The following SANBR variants were observed in gnomAD, a reference collection of about 807,000 sequenced individuals.
SANBR encodes SANT and BTB domain regulator of class switch recombination.
Under a neutral mutation model 101.8 loss-of-function variants are expected in SANBR, and 77 were observed. The ratio of observed to expected loss-of-function variants is 0.76; its 90% CI spans 0.63 to 0.91. SANBR has a LOEUF of 0.91. SANBR is among the 40% of genes least tolerant of loss of function. The pLI, the probability that SANBR is intolerant of heterozygous loss-of-function variation, is 0.00. For synonymous variants in SANBR, 279 were observed against 274.7 expected (o/e 1.02, Z -0.15); for missense variants, 875 against 853.0 (o/e 1.03, Z -0.32).
chr2:61,120,226 G>GGC (rs1255393154), intron 20 of SANBR, among the ~76,000 whole-genome samples: 2 of 152,140 alleles, frequency 1.3e-5, no homozygotes, highest in East Asian at 1.9e-4. Context: ...CATTGGACCG[G>GGC]GTGCAGTGGC....
intron 9 of SANBR, 42 bp downstream of exon 9, chr2:61,088,287 A>G: frequency 6.4e-7 from 1 of 1,568,690 alleles, no homozygotes; most frequent in Non-Finnish European, 8.6e-7. Flanking sequence ...TTTATAATGC[A>G]GCTATATTCT....
At chr2:61,120,231 A>T (rs552468837) in intron 20 of SANBR, among the ~76,000 whole-genome samples, 1 of 152,114 alleles carries the variant, frequency 6.6e-6, no homozygotes, top group East Asian at 1.9e-4. Flanking sequence ...GACCGGGTGC[A>T]GTGGCTCACA....
At chr2:61,096,152 A>G (rs1683019934) in intron 11 of SANBR, among the ~76,000 whole-genome samples, 1 of 151,744 alleles carries the variant, frequency 6.6e-6, no homozygotes, top group Non-Finnish European at 1.5e-5. Context: ...CCCAACACCC[A>G]CTTCCTTCCT....
intron 21 of SANBR, among the ~76,000 whole-genome samples, chr2:61,137,185 G>C (rs574497580): frequency 3.3e-5 from 5 of 151,952 alleles, no homozygotes; most frequent in Non-Finnish European, 5.9e-5. Context: ...GGCTGAGGTG[G>C]GAGGCTCACT....
chr2:61,124,661 G>A (rs1371145441), downstream of SANBR, among the ~76,000 whole-genome samples: 1 of 150,764 alleles, frequency 6.6e-6, no homozygotes, highest in African/African-American at 2.4e-5. Context: ...AGCCATGATT[G>A]TGCCACTGCA....
chr2:61,078,937 G>C (rs1233528831), intron 6 of SANBR, among the ~76,000 whole-genome samples: 1 of 151,862 alleles, frequency 6.6e-6, no homozygotes, highest in African/African-American at 2.4e-5. Flanking sequence ...TACTTGGGAG[G>C]GTGAGGCATG....
chr2:61,087,351 G>A (rs1559095566), intron 8 of SANBR, among the ~76,000 whole-genome samples: 1 of 151,986 alleles, frequency 6.6e-6, no homozygotes, highest in Non-Finnish European at 1.5e-5. Flanking sequence ...AAGGCCAGGA[G>A]TCTGAGGCCA....
At chr2:61,130,995 T>C (rs1219137755) in intron 20 of SANBR, among the ~76,000 whole-genome samples, 1 of 85,752 alleles carries the variant, frequency 1.2e-5, no homozygotes, top group Non-Finnish European at 2.3e-5. Context: ...TAAAAAGCAA[T>C]CGACAAGCCC....
chr2:61,089,032 A>G, intron 10 of SANBR: 1 of 954,796 alleles, frequency 1.0e-6, no homozygotes, highest in Non-Finnish European at 1.2e-6. Context: ...TAATCTTGAA[A>G]GGTATTCTGG....
At position 61,118,054 on chromosome 2, in the gene SANBR, G is replaced by A. The variant is rs1684160338; in HGVS notation, c.1966G>A (p.Gly656Arg). Residue 656 changes from glycine (G) to arginine (R), a missense_variant, in exon 20 of 22, where the codon GGG becomes AGG. Coordinates refer to ENST00000402291, the MANE Select transcript of SANBR (RefSeq NM_001129993.3). ...TCAACGGCGAATGACTGAAATTACAGGGCACCTAATAAAAATGAGATTGGG... is the reference window on the plus strand; with the variant it reads ...TCAACGGCGAATGACTGAAATTACAAGGCACCTAATAAAAATGAGATTGGG... ...DDQRRMTEIT[G>R]HLIKMRLGDL... The A allele has an allele frequency of 3.1e-6, 5 of 1,613,438 alleles. No homozygotes were observed. The East Asian group carries it at 1.1e-4, about 36-fold the overall frequency.
chr2:61,080,451 G>A (rs34527563), intron 6 of SANBR, among the ~76,000 whole-genome samples: 1,732 of 151,982 alleles, frequency 0.011, 16 homozygotes, highest in Non-Finnish European at 0.018. Flanking sequence ...CACCGGGCGT[G>A]GTGGCTCACG....
chr2:61,091,933 G>A (rs1682783079), intron 10 of SANBR, among the ~76,000 whole-genome samples: 1 of 152,096 alleles, frequency 6.6e-6, no homozygotes, highest in South Asian at 2.1e-4. Flanking sequence ...AAAGATACTT[G>A]AAAATAGTGT....
chr2:61,117,244 T>G (rs1375581593), intron 17 of SANBR, 113 bp from the exon 18 acceptor site: 3 of 969,062 alleles, frequency 3.1e-6, no homozygotes, highest in Non-Finnish European at 5.0e-6. Flanking sequence ...CTTGTAATGC[T>G]CTTGGTACAG....
At chr2:61,081,415 C>T in intron 6 of SANBR, 37 bp from the exon 7 acceptor site, 2 of 1,556,762 alleles carry the variant, frequency 1.3e-6, no homozygotes, top group Non-Finnish European at 1.7e-6. Flanking sequence ...ATTGGGGTAC[C>T]CATCAAAAGG....
intron 5 of SANBR, among the ~76,000 whole-genome samples, chr2:61,076,500 C>T (rs1237747592): frequency 6.7e-6 from 1 of 148,252 alleles, no homozygotes; most frequent in African/African-American, 2.5e-5. Context: ...CCATGGTGGG[C>T]GCCTGTAGTC....
chr2:61,125,197 G>A (rs777515226), downstream of SANBR, among the ~76,000 whole-genome samples: 20 of 152,174 alleles, frequency 1.3e-4, no homozygotes, highest in Non-Finnish European at 2.5e-4. Flanking sequence ...AAAACAACTA[G>A]CACAGTACTT....
chr2:61,097,648 C>T (rs1683091793), intron 11 of SANBR, 52 bp from the exon 12 acceptor site: 2 of 1,355,608 alleles, frequency 1.5e-6, no homozygotes, highest in East Asian at 2.3e-5. Context: ...ATTTTTGAAA[C>T]ATATAATTTT....
At chr2:61,077,269 C>T in intron 6 of SANBR, 111 bp downstream of exon 6, 3 of 739,410 alleles carry the variant, frequency 4.1e-6, no homozygotes, top group Admixed American at 2.2e-5. Context: ...TGTTTATGCT[C>T]ATATTAGTAA....
chr2:61,092,810 G>C (rs1332493361), intron 11 of SANBR, among the ~76,000 whole-genome samples: 1 of 152,084 alleles, frequency 6.6e-6, no homozygotes, highest in Non-Finnish European at 1.5e-5. Flanking sequence ...ATACCAGCCT[G>C]GGTGACATAG....
Sources: gnomAD v4.1 joint callset for allele counts (sites outside exome capture counted in the v4.1 genomes callset) on GRCh38, gnomAD v4.1.1 for gene constraint, MANE v1.5 for transcripts, NCBI Gene and HGNC (gene_info 2026-07-23, HGNC 2026-07-21) for gene names.